Variants in CYP2C19 observed in about 807,000 individuals in gnomAD.
The protein encoded by CYP2C19 is cytochrome P450 2C19.
Under a neutral mutation model 40.9 loss-of-function variants are expected in CYP2C19, and 59 were observed. The observed-to-expected ratio is 1.44, with a 90% CI of 1.17 to 1.79. CYP2C19 has a LOEUF of 1.79. CYP2C19 is among the 40% of genes most tolerant of loss of function. The pLI is 0.00. For synonymous variants in CYP2C19, 253 were observed against 208.7 expected (o/e 1.21, Z -1.83); for missense variants, 754 against 596.9 (o/e 1.26, Z -2.74).
chr10:94,843,114 G>T, intron 7 of CYP2C19, 90 bp downstream of exon 7: 2 of 1,501,434 alleles, frequency 1.3e-6, no homozygotes, highest in South Asian at 1.1e-5. Flanking sequence ...CACTGGGTGA[G>T]AGAAGTGCAT....
chr10:94,775,468 G>A lies in CYP2C19; in HGVS notation c.410G>A (p.Gly137Glu), dbSNP rs766813172. The A allele has an allele frequency of 1.5e-5, 24 of 1,613,994 alleles. 1 individual carries two copies. The highest frequency in any genetic ancestry group is 1.9e-5 in the Non-Finnish European group (23 of 1,180,004). ...SLMTLRNFGM[G>E]KRSIEDRVQE... The stretch of plus-strand genomic sequence containing the variant: ...ATGACGCTGCGGAATTTTGGGATGG[G>A]GAAGAGGAGCATTGAGGACCGTGTT... Residue 137 changes from glycine (G) to glutamate (E), a missense_variant, in exon 3 of 9, where the codon GGG becomes GAG. By Grantham distance (98) the Gly-to-Glu change is moderately conservative. Transcript: ENST00000371321.
Position 94,855,381 on chromosome 10 carries a change from GA to G in CYP2C19, c.*2469del, listed in dbSNP as rs1409859524. 1.3e-5 allele frequency among the ~76,000 whole-genome samples: 2 copies of G among 152,210 alleles called. No individual in the cohort carries two copies. The highest frequency in any genetic ancestry group is 2.9e-5 in the Non-Finnish European group (2 of 68,030). ...ACAAGGGCAATCTGACTGGAAAGTA[GA>G]AGTTGCTAACAACTTTGCTAATTCT... On this transcript the variant is annotated 3_prime_UTR_variant, in exon 9 of 9. Transcript: ENST00000371321.
At chr10:94,816,817 G>C (rs1399468521) in intron 5 of CYP2C19, among the ~76,000 whole-genome samples, 1 of 149,358 alleles carries the variant, frequency 6.7e-6, no homozygotes, top group Non-Finnish European at 1.5e-5. Flanking sequence ...CTATGAGTGA[G>C]AATATACGGT....
At chr10:94,842,251 GT>G (rs1380960442) in intron 6 of CYP2C19, among the ~76,000 whole-genome samples, 18 of 151,874 alleles carry the variant, frequency 1.2e-4, no homozygotes, top group Non-Finnish European at 2.6e-4. Flanking sequence ...CATATTCTTT[GT>G]CTCTTCTTAC....
chr10:94,819,173 G>T (rs1343863286), intron 5 of CYP2C19, among the ~76,000 whole-genome samples: 2 of 147,278 alleles, frequency 1.4e-5, no homozygotes, highest in Admixed American at 6.8e-5. Flanking sequence ...CAGAAATAAA[G>T]ATGTTCTTTG....
chr10:94,773,443 G>A (rs55781033), intron 1 of CYP2C19, among the ~76,000 whole-genome samples: 1,856 of 152,242 alleles, frequency 0.012, 55 homozygotes, highest in African/African-American at 0.043. Flanking sequence ...GAATATTACA[G>A]CTGTTAAAGA....
chr10:94,836,487 C>A (rs1257996139), intron 6 of CYP2C19, among the ~76,000 whole-genome samples: 9 of 152,210 alleles, frequency 5.9e-5, no homozygotes, highest in Non-Finnish European at 8.8e-5. Context: ...GCCTGGAAAG[C>A]CACTTCTGTT....
rs1179615792 is a variant in CYP2C19, at chr10:94,766,890, C to T, written c.168+4017C>T. On this transcript the variant is annotated intron_variant, in intron 1 of 8. Transcript: ENST00000371321. Reference sequence around the variant, plus strand: ...GAGGATTACCGAGTATGGTCCTTCCCACAAAGAGGCCATAGATAGGGAGGT... The same window carrying T: ...GAGGATTACCGAGTATGGTCCTTCCTACAAAGAGGCCATAGATAGGGAGGT... Among the ~76,000 whole-genome samples the T allele has an allele frequency of 2.0e-5, 3 of 151,984 alleles. No homozygotes were observed. The South Asian group carries it at 6.2e-4, about 32-fold the overall frequency.
intron 5 of CYP2C19, among the ~76,000 whole-genome samples, chr10:94,806,895 T>A (rs751870044): frequency 2.6e-5 from 4 of 151,982 alleles, no homozygotes; most frequent in Non-Finnish European, 5.9e-5. Context: ...CCCTTGTGCT[T>A]GAAACATTAA....
intron 6 of CYP2C19, among the ~76,000 whole-genome samples, chr10:94,826,416 A>T (rs1209762752): frequency 6.6e-6 from 1 of 152,106 alleles, no homozygotes; most frequent in African/African-American, 2.4e-5. Flanking sequence ...TTCTCTTTGA[A>T]GCAATTGTGA....
intron 6 of CYP2C19, among the ~76,000 whole-genome samples, chr10:94,821,066 G>A (rs192767398): frequency 6.6e-6 from 1 of 152,202 alleles, no homozygotes; most frequent in African/African-American, 2.4e-5. Flanking sequence ...CTGGGTGACA[G>A]AGTGGGACCC....
At chr10:94,798,166 G>T (rs757954817) in intron 5 of CYP2C19, among the ~76,000 whole-genome samples, 1 of 152,060 alleles carries the variant, frequency 6.6e-6, no homozygotes, top group Non-Finnish European at 1.5e-5. Flanking sequence ...CTTTAAATGT[G>T]TCCCAGAGAT....
intron 6 of CYP2C19, among the ~76,000 whole-genome samples, chr10:94,840,144 C>T (rs1300315776): frequency 6.6e-6 from 1 of 152,100 alleles, no homozygotes; most frequent in Non-Finnish European, 1.5e-5. Context: ...GGATTTAATA[C>T]GCCTTTATTT....
intron 5 of CYP2C19, among the ~76,000 whole-genome samples, chr10:94,817,620 T>C (rs1849027352): frequency 6.8e-6 from 1 of 146,742 alleles, no homozygotes. Flanking sequence ...TTTGTTGCCA[T>C]TGCTTTTGGT....
At chr10:94,789,920 T>C (rs894568076) in intron 5 of CYP2C19, among the ~76,000 whole-genome samples, 1 of 152,166 alleles carries the variant, frequency 6.6e-6, no homozygotes, top group African/African-American at 2.4e-5. Flanking sequence ...ATTGAATCTA[T>C]AACTTACCTT....
chr10:94,786,970 T>C (rs1476501479), intron 5 of CYP2C19, among the ~76,000 whole-genome samples: 2 of 152,132 alleles, frequency 1.3e-5, no homozygotes, highest in Non-Finnish European at 2.9e-5. Flanking sequence ...TGAGCACATG[T>C]GTCTTTTTGG....
chr10:94,804,221 A>T (rs1848803496), intron 5 of CYP2C19, among the ~76,000 whole-genome samples: 1 of 152,144 alleles, frequency 6.6e-6, no homozygotes, highest in Admixed American at 6.5e-5. Context: ...CCAGGTCACC[A>T]AGCTAGTCCT....
chr10:94,836,168 A>C (rs1849400533), intron 6 of CYP2C19, among the ~76,000 whole-genome samples: 1 of 152,260 alleles, frequency 6.6e-6, no homozygotes, highest in African/African-American at 2.4e-5. Flanking sequence ...GACAGCCACA[A>C]GTCTCCTTTA....
At position 94,842,890 on chromosome 10, in the gene CYP2C19, A is replaced by G. The variant is rs1471809393; in HGVS notation, c.1015A>G (p.Met339Val). 2 of 1,614,204 alleles carry G rather than the reference A, an allele frequency of 1.2e-6. No individual in the cohort carries two copies. Among genetic ancestry groups the G allele is most frequent in the Admixed American group, 1.7e-5 (1 of 60,026 alleles). The change falls in exon 7 of 9, where the codon ATG (methionine) becomes GTG (valine). Residue 339 changes from methionine to valine, a missense_variant. By Grantham distance (21) the Met-to-Val change is conservative (BLOSUM62 1). Transcript: ENST00000371321. ...RVIGRNRSPC[M>V]QDRGHMPYTD... ...CATTGGCAGAAACCGGAGCCCCTGC[A>G]TGCAGGACAGGGGCCACATGCCCTA...
Sources: gnomAD v4.1 joint callset for allele counts (sites outside exome capture counted in the v4.1 genomes callset) on GRCh38, gnomAD v4.1.1 for gene constraint, MANE v1.5 for transcripts, NCBI Gene and HGNC (gene_info 2026-07-23, HGNC 2026-07-21) for gene names.